OSBP2: variants seen among roughly 807,000 people sequenced by gnomAD.
OSBP2 encodes the protein oxysterol binding protein 2, also known as oxysterol-binding protein 2.
A neutral mutation model predicts 96.0 loss-of-function variants in OSBP2; 66 were observed. The observed-to-expected ratio is 0.69, with a 90% CI of 0.56 to 0.84. The LOEUF (loss-of-function observed/expected upper bound fraction) is 0.84. OSBP2 is among the 40% of genes least tolerant of loss of function. The pLI, the probability that OSBP2 is intolerant of heterozygous loss-of-function variation, is 0.00. For synonymous variants in OSBP2, 525 were observed against 520.9 expected, an observed-to-expected ratio of 1.01 and a Z score of -0.11; for missense variants, 1,038 against 1,222.7, an observed-to-expected ratio of 0.85 and a Z score of 2.25.
At chr22:30,817,343 C>T (rs2091094658) in intron 2 of OSBP2, among the ~76,000 whole-genome samples, 1 of 152,208 alleles carries the variant, frequency 6.6e-6, no homozygotes, top group Admixed American at 6.5e-5. Flanking sequence ...CCCCTGTGGG[C>T]CCCAGCCCCT....
intron 2 of OSBP2, among the ~76,000 whole-genome samples, chr22:30,792,327 AAG>A (rs1491069121): frequency 1.3e-5 from 2 of 152,182 alleles, no homozygotes; most frequent in African/African-American, 2.4e-5. Flanking sequence ...AAAAAAAAAA[AAG>A]AATTATCAAT....
intron 2 of OSBP2, among the ~76,000 whole-genome samples, chr22:30,810,397 C>G (rs922603443): frequency 6.6e-6 from 1 of 152,152 alleles, no homozygotes; most frequent in Non-Finnish European, 1.5e-5. Flanking sequence ...TTATGACACC[C>G]TCTATCCATT....
At chr22:30,841,197 A>T (rs748708865) in intron 2 of OSBP2, among the ~76,000 whole-genome samples, 9 of 152,080 alleles carry the variant, frequency 5.9e-5, no homozygotes, top group Non-Finnish European at 8.8e-5. Flanking sequence ...TAAATAATAA[A>T]AAATAAAGTG....
rs2039925967 is a variant in OSBP2 at position 30,890,658 on chromosome 22, G to A, written c.1624-70G>A. 5.7e-6 allele frequency: 9 copies of A among 1,574,084 alleles called. No homozygotes were observed. Among genetic ancestry groups the A allele is most frequent in the East Asian group, 4.5e-5 (2 of 44,564 alleles). On this transcript the variant is annotated intron_variant, in intron 7 of 13. Coordinates refer to ENST00000332585, the MANE Select transcript of OSBP2 (RefSeq NM_030758.4). This position sits in a 1 kb window ranked among gnomAD's most constrained non-coding sequence, Gnocchi z 4.4. ...TGAGCAGGGATGTCCCTGAACATCC[G>A]AGAAAAGCAAGGGCACCATGCCAAG...
chr22:30,856,827 G>A (rs1291767551), intron 2 of OSBP2, among the ~76,000 whole-genome samples: 2 of 151,834 alleles, frequency 1.3e-5, no homozygotes, highest in Non-Finnish European at 2.9e-5. Flanking sequence ...TAACTGCCAA[G>A]AACCCAGAGA....
At chr22:30,828,641 G>A (rs190188082) in intron 2 of OSBP2, among the ~76,000 whole-genome samples, 24 of 152,344 alleles carry the variant, frequency 1.6e-4, no homozygotes, top group South Asian at 1.4e-3. Flanking sequence ...TGGATTGGGG[G>A]CACTGTATGT....
chr22:30,801,986 A>AGAATGAAT (rs136263), intron 2 of OSBP2, among the ~76,000 whole-genome samples: 19 of 151,808 alleles, frequency 1.3e-4, no homozygotes, highest in African/African-American at 2.2e-4. Flanking sequence ...GTACATAAAT[A>AGAATGAAT]GAATGAATGA....
At chr22:30,805,287 T>C (rs1390827464) in intron 2 of OSBP2, among the ~76,000 whole-genome samples, 4 of 152,224 alleles carry the variant, frequency 2.6e-5, no homozygotes, top group African/African-American at 7.2e-5. Context: ...CAAACAAAGA[T>C]GTAGTGATGA....
chr22:30,695,550 A>G lies in OSBP2; in HGVS notation c.641A>G (p.Tyr214Cys), dbSNP rs1380221678. ...FVLGNGLLSY[Y>C]RNQGEMAHTC... ...CTGGGCAATGGTTTGCTCTCTTACTACAGGTATGGAAGCGCCAGGGTGGGA... is the reference window on the plus strand; with the variant it reads ...CTGGGCAATGGTTTGCTCTCTTACTGCAGGTATGGAAGCGCCAGGGTGGGA... The change falls in exon 1 of 14, where the codon TAC becomes TGC. Residue 214 changes from tyrosine to cysteine, a missense_variant. Physicochemically the swap from Tyr to Cys is radical, Grantham distance 194 (BLOSUM62 -2). Transcript: ENST00000332585. The G allele has an allele frequency of 6.2e-7, 1 of 1,605,214 alleles. No individual in the cohort carries two copies. The highest frequency in any genetic ancestry group is 8.5e-7 in the Non-Finnish European group (1 of 1,178,652).
intron 2 of OSBP2, among the ~76,000 whole-genome samples, chr22:30,784,560 A>G (rs1231610774): frequency 6.6e-6 from 1 of 151,948 alleles, no homozygotes; most frequent in Non-Finnish European, 1.5e-5. Flanking sequence ...TGCCCAGTTG[A>G]CAAGTATGCT....
chr22:30,797,708 C>T (rs1255462114), intron 2 of OSBP2, among the ~76,000 whole-genome samples: 2 of 152,078 alleles, frequency 1.3e-5, no homozygotes, highest in African/African-American at 4.8e-5. Flanking sequence ...TCTCCCACCT[C>T]AGCCTCCTGA....
chr22:30,758,209 C>G (rs1430079343), intron 2 of OSBP2, among the ~76,000 whole-genome samples: 1 of 152,108 alleles, frequency 6.6e-6, no homozygotes, highest in Non-Finnish European at 1.5e-5. Context: ...CGAGACCGGC[C>G]TGGCCAACAT....
intron 2 of OSBP2, among the ~76,000 whole-genome samples, chr22:30,749,064 C>T (rs1256813833): frequency 2.0e-5 from 3 of 152,186 alleles, no homozygotes; most frequent in Non-Finnish European, 2.9e-5. Flanking sequence ...TGCAGTGAGC[C>T]GAGATTGTGT....
chr22:30,844,136 A>G (rs1207718338), intron 2 of OSBP2, among the ~76,000 whole-genome samples: 1 of 152,130 alleles, frequency 6.6e-6, no homozygotes, highest in Non-Finnish European at 1.5e-5. Flanking sequence ...TGGCCTCCCA[A>G]AGTGGTAGGA....
Position 30,881,654 on chromosome 22 carries a change from T to G in OSBP2, c.1108-5772T>G. The G allele has an allele frequency of 2.3e-6, 3 of 1,303,150 alleles. No individual in the cohort carries two copies. Among genetic ancestry groups the G allele is most frequent in the Non-Finnish European group, 3.0e-6 (3 of 988,198 alleles). 80.7% of individuals were successfully genotyped at this position (1,303,150 alleles called of 1,614,324 possible). A position where few individuals can be genotyped will look rare whatever the true frequency, so the allele number is the denominator to read the frequency against. ...CGGGCCCCAAGCCTAATCCAGCTTA[T>G]CAAGCACACAGCACACAGCCCAGCT... On this transcript the variant is annotated intron_variant, in intron 3 of 13. Coordinates refer to ENST00000332585, the MANE Select transcript of OSBP2 (RefSeq NM_030758.4). The surrounding 1 kb of genome is among the most constrained non-coding windows in gnomAD (Gnocchi z 4.5).
At chr22:30,742,513 C>A (rs2089952794) in intron 2 of OSBP2, among the ~76,000 whole-genome samples, 1 of 152,124 alleles carries the variant, frequency 6.6e-6, no homozygotes, top group African/African-American at 2.4e-5. Context: ...AGTCACTCAC[C>A]CCATTCTCCT....
chr22:30,694,380 A>G (rs1569084556), upstream of OSBP2: 5 of 1,507,144 alleles, frequency 3.3e-6, no homozygotes, highest in Non-Finnish European at 4.4e-6. Flanking sequence ...CGTCGTCTTT[A>G]GCCTTTAGCG....
intron 2 of OSBP2, among the ~76,000 whole-genome samples, chr22:30,787,529 C>T (rs7291132): frequency 1.3e-5 from 2 of 152,038 alleles, no homozygotes; most frequent in African/African-American, 2.4e-5. Context: ...AAAAATTAGG[C>T]GGGCATGGTG....
rs755031077 is a variant in OSBP2 at position 30,695,088 on chromosome 22, C to T, written c.179C>T (p.Pro60Leu). The T allele has an allele frequency of 2.5e-6, 4 of 1,579,152 alleles. No individual in the cohort carries two copies. The highest frequency in any genetic ancestry group is 2.7e-5 in the African/African-American group (2 of 73,964). ...CCCCAGCCCCAGCCCGTGCCCGAAC[C>T]GGAGCGGGGACCGCTGTCAGAACAG... ...PKPQPQPVPE[P>L]ERGPLSEQVS... The change falls in exon 1 of 14, where the codon CCG becomes CTG. Residue 60 changes from proline to leucine, a missense_variant. This residue lies in a region of OSBP2 where 281 missense variants were observed against 273.4 expected (regional missense o/e 1.03). Coordinates refer to ENST00000332585, the MANE Select transcript of OSBP2 (RefSeq NM_030758.4).
Sources: allele counts gnomAD v4.1 joint callset (sites outside exome capture counted in the v4.1 genomes callset), GRCh38; gene constraint gnomAD v4.1.1; regional missense constraint gnomAD v4.1.1; non-coding constraint Gnocchi (gnomAD v3.1); transcripts MANE v1.5; gene names NCBI Gene and HGNC (gene_info 2026-07-23, HGNC 2026-07-21).